Variants in EYS observed in about 807,000 individuals in gnomAD.
The protein encoded by EYS is protein eyes shut homolog.
A neutral mutation model predicts 282.1 loss-of-function variants in EYS; 250 were observed. That is an observed-to-expected ratio of 0.89 (90% CI 0.80 to 0.98). EYS has a LOEUF of 0.98. Among genes scored for constraint, EYS ranks in the 50% least tolerant of loss-of-function variants. The probability of loss-of-function intolerance (pLI) is 0.00; values close to 1 mark genes in which losing one functional copy is unlikely to be tolerated. For missense variants in EYS, 4,016 were observed against 3,709.0 expected (o/e 1.08, Z -2.15); for synonymous variants, 1,355 against 1,282.9 (o/e 1.06, Z -1.20).
chr6:65,643,860 G>A (rs373895998), intron 1 of EYS, among the ~76,000 whole-genome samples: 1 of 152,078 alleles, frequency 6.6e-6, no homozygotes, highest in East Asian at 1.9e-4. Context: ...CTATCCCTAG[G>A]GGGAGGGGGT....
chr6:63,923,857 C>T (rs1173582434), intron 35 of EYS, among the ~76,000 whole-genome samples: 1 of 152,082 alleles, frequency 6.6e-6, no homozygotes, highest in Non-Finnish European at 1.5e-5. Flanking sequence ...CATTAATTTG[C>T]TTAGAATAAT....
intron 26 of EYS, among the ~76,000 whole-genome samples, chr6:64,466,886 T>C (rs1582790443): frequency 6.6e-6 from 1 of 152,120 alleles, no homozygotes; most frequent in Non-Finnish European, 1.5e-5. Context: ...ATTTAATATA[T>C]TTAATTTAAA....
At chr6:64,164,644 A>G (rs1400044160) in intron 31 of EYS, among the ~76,000 whole-genome samples, 1 of 152,106 alleles carries the variant, frequency 6.6e-6, no homozygotes, top group East Asian at 1.9e-4. Flanking sequence ...AGACCCTTGA[A>G]CAGGTTGTTC....
At chr6:64,721,427 T>C (rs949904869) in intron 22 of EYS, among the ~76,000 whole-genome samples, 34 of 152,056 alleles carry the variant, frequency 2.2e-4, no homozygotes, top group African/African-American at 8.2e-4. Context: ...AAGAAAAGAA[T>C]CTTTGGTGGA....
At chr6:64,007,586 T>A (rs1768410823) in intron 33 of EYS, among the ~76,000 whole-genome samples, 1 of 152,124 alleles carries the variant, frequency 6.6e-6, no homozygotes, top group Non-Finnish European at 1.5e-5. Flanking sequence ...TGGTGTTAAG[T>A]TGTTAATTTG....
At chr6:64,363,344 T>C (rs1772079777) in intron 29 of EYS, among the ~76,000 whole-genome samples, 1 of 151,922 alleles carries the variant, frequency 6.6e-6, no homozygotes, top group South Asian at 2.1e-4. Flanking sequence ...ACTTAGACTT[T>C]GGCATTGATG....
chr6:64,980,887 TA>T (rs748544860), intron 14 of EYS, among the ~76,000 whole-genome samples: 5 of 151,296 alleles, frequency 3.3e-5, no homozygotes, highest in Non-Finnish European at 5.9e-5. Context: ...CTTTGAGGCT[TA>T]AAAATACCCT....
intron 22 of EYS, among the ~76,000 whole-genome samples, chr6:64,728,535 CCGCATTATCCAGGAT>C (rs1483463738): frequency 6.6e-6 from 1 of 152,084 alleles, no homozygotes; most frequent in African/African-American, 2.4e-5. Flanking sequence ...TGGGGTTTCA[CCGCATTATCCAGGAT>C]GGTCTCTATC....
chr6:65,137,948 C>T (rs1776070191), intron 12 of EYS, among the ~76,000 whole-genome samples: 1 of 151,826 alleles, frequency 6.6e-6, no homozygotes, highest in South Asian at 2.1e-4. Flanking sequence ...TAATATCACA[C>T]CTTGGGCAGA....
At chr6:64,469,479 A>G (rs1355391464) in intron 26 of EYS, among the ~76,000 whole-genome samples, 1 of 152,158 alleles carries the variant, frequency 6.6e-6, no homozygotes, top group African/African-American at 2.4e-5. Context: ...GTAACCGAGG[A>G]AAGGCCAGGC....
chr6:65,053,062 T>C (rs1180680257), intron 13 of EYS, among the ~76,000 whole-genome samples: 1 of 151,842 alleles, frequency 6.6e-6, no homozygotes, highest in African/African-American at 2.4e-5. Flanking sequence ...AAACACTGCA[T>C]TATTCAGCTC....
rs556345284 is a variant in EYS, at chr6:64,284,568, T to C, written c.6191+22402A>G. ...ACAGCTCTACTAGGTTGTGCCCCAG[T>C]AGGGACTCTGTGTGGGGGCTCCAAC... On this transcript the variant is annotated intron_variant, in intron 30 of 42. Transcript: ENST00000503581. Among the ~76,000 whole-genome samples the C allele has an allele frequency of 4.6e-5, 7 of 152,256 alleles. No homozygotes were observed. In the South Asian group the frequency reaches 6.2e-4, roughly 14 times the overall value.
intron 31 of EYS, among the ~76,000 whole-genome samples, chr6:64,105,805 T>C (rs180762058): frequency 1.3e-5 from 2 of 152,250 alleles, no homozygotes; most frequent in Non-Finnish European, 2.9e-5. Flanking sequence ...ACTGTCTGGA[T>C]CTACCACAGT....
intron 33 of EYS, among the ~76,000 whole-genome samples, chr6:64,030,973 T>C (rs1191227162): frequency 3.9e-5 from 6 of 152,230 alleles, no homozygotes; most frequent in Non-Finnish European, 7.3e-5. Flanking sequence ...AGTTGGGGTG[T>C]CCTGTTTAGA....
Position 64,095,492 on chromosome 6 carries a change from C to A in EYS, c.6425-13490G>T, listed in dbSNP as rs554390342. Among the ~76,000 whole-genome samples the A allele has an allele frequency of 8.1e-3, 1,238 of 152,074 alleles. 10 individuals carry two copies. The highest frequency in any genetic ancestry group is 0.01 in the Middle Eastern group (3 of 294). ...GTTAGCTCTTCTTGTTGAATTGATC[C>A]CTTTACCATTATGTAATGGCCTTCT... On this transcript the variant is annotated intron_variant, in intron 31 of 42. Coordinates refer to ENST00000503581, the MANE Select transcript of EYS (RefSeq NM_001142800.2).
At chr6:64,839,852 G>T (rs917648976) in intron 19 of EYS, among the ~76,000 whole-genome samples, 1 of 151,920 alleles carries the variant, frequency 6.6e-6, no homozygotes, top group African/African-American at 2.4e-5. Flanking sequence ...TTTTCATAAG[G>T]CACTAATCCA....
chr6:64,124,513 C>T (rs779662771), intron 31 of EYS, among the ~76,000 whole-genome samples: 29 of 152,214 alleles, frequency 1.9e-4, no homozygotes, highest in African/African-American at 4.3e-4. Context: ...TTCTACAGGC[C>T]GGAATTTTAA....
chr6:64,505,835 C>A (rs1024289675), intron 26 of EYS, among the ~76,000 whole-genome samples: 1 of 152,136 alleles, frequency 6.6e-6, no homozygotes, highest in African/African-American at 2.4e-5. Context: ...CACTTATGAT[C>A]TGAACTTGCT....
At chr6:64,337,514 G>A (rs1018348899) in intron 29 of EYS, among the ~76,000 whole-genome samples, 5 of 152,014 alleles carry the variant, frequency 3.3e-5, no homozygotes, top group Admixed American at 1.3e-4. Context: ...AAAATTCCAG[G>A]ACAAGATGGA....
Sources: allele counts gnomAD v4.1 joint callset (sites outside exome capture counted in the v4.1 genomes callset), GRCh38; gene constraint gnomAD v4.1.1; transcripts MANE v1.5; gene names NCBI Gene and HGNC (gene_info 2026-07-23, HGNC 2026-07-21).